The following HID1 variants were observed in gnomAD, a reference collection of about 807,000 sequenced individuals.
HID1 encodes protein HID1.
A neutral mutation model predicts 89.7 loss-of-function variants in HID1; 42 were observed. That is an observed-to-expected ratio of 0.47 (90% CI 0.37 to 0.61). HID1 has a LOEUF of 0.61. Among genes scored for constraint, HID1 ranks in the 20% least tolerant of loss-of-function variants. HID1 has a pLI of 0.00. For synonymous variants in HID1, 442 were observed against 433.8 expected, an observed-to-expected ratio of 1.02 and a Z score of -0.24; for missense variants, 854 against 1,039.3, an observed-to-expected ratio of 0.82 and a Z score of 2.45.
intron 3 of HID1, 139 bp downstream of exon 3, chr17:74,963,601 C>T: frequency 1.2e-6 from 1 of 805,274 alleles, no homozygotes; most frequent in South Asian, 1.8e-5. Context: ...GAACACCATC[C>T]CTCAGCAGCA....
chr17:74,963,434 G>T, intron 3 of HID1: 1 of 509,392 alleles, frequency 2.0e-6, no homozygotes, highest in Non-Finnish European at 3.5e-6. Context: ...AGAGGACAGT[G>T]TGGTCCCTCT....
At chr17:74,953,426 G>A (rs1598615552) in intron 15 of HID1, 119 bp downstream of exon 15, 11 of 759,276 alleles carry the variant, frequency 1.4e-5, no homozygotes, top group Non-Finnish European at 2.2e-5. Context: ...CCTGGGCACT[G>A]GGTAACTGCC....
rs1490877412 is a variant in HID1, at chr17:74,958,755, G to T, written c.1158C>A (p.Leu386=). 2 of 1,612,240 alleles carry T rather than the reference G, an allele frequency of 1.2e-6. No homozygotes were observed. The highest frequency in any genetic ancestry group is 1.7e-6 in the Non-Finnish European group (2 of 1,179,478). The change falls in exon 10 of 19, where the codon CTC becomes CTA. Residue 386 remains leucine (L), a synonymous_variant. Transcript: ENST00000425042. This position sits in a 1 kb window ranked among gnomAD's most constrained non-coding sequence, Gnocchi z 5.2. Reference sequence around the variant, plus strand: ...CGTCGCTGCTCTTCAGCACGAAGAAGAGGAATTTCTAGGGGTGCGGGGAGG... The same window carrying T: ...CGTCGCTGCTCTTCAGCACGAAGAATAGGAATTTCTAGGGGTGCGGGGAGG... ...WKLCDFNKKF[L]FFVLKSSDVL...
Position 74,952,039 on chromosome 17 carries a change from G to C in HID1, c.2169C>G (p.Ile723Met). Residue 723 changes from isoleucine to methionine, a missense_variant, in exon 18 of 19, where the codon ATC (isoleucine) becomes ATG (methionine). By Grantham distance (10) the Ile-to-Met change is conservative (BLOSUM62 1). Coordinates refer to ENST00000425042, the MANE Select transcript of HID1 (RefSeq NM_030630.3). ...GGGTGCCATGCTGCAGGAACCGCAGGATCTCAGACTCATCCGTCAGGCCCC... is the reference window on the plus strand; with the variant it reads ...GGGTGCCATGCTGCAGGAACCGCAGCATCTCAGACTCATCCGTCAGGCCCC... ...IDKGLTDESEILRFLQHGTLV... is the reference protein window; with the variant it reads ...IDKGLTDESEMLRFLQHGTLV... The C allele has an allele frequency of 6.4e-7, 1 of 1,558,622 alleles. No homozygotes were observed. The highest frequency in any genetic ancestry group is 8.7e-7 in the Non-Finnish European group (1 of 1,150,800).
At chr17:74,957,307 C>T (rs1044656802) in intron 12 of HID1, among the ~76,000 whole-genome samples, 3 of 128,928 alleles carry the variant, frequency 2.3e-5, no homozygotes, top group Non-Finnish European at 1.6e-5. Context: ...AACTCTGTCT[C>T]TACTAAAAAT....
At position 74,954,702 on chromosome 17, in the gene HID1, A is replaced by C. The variant is rs16967452; in HGVS notation, c.1637-337T>G. Reference sequence around the variant, plus strand: ...AGCATCCACGTCAGGCCAGCTGTTAAATATTCTGACTCTCTTCCCACCTCC... The same window carrying C: ...AGCATCCACGTCAGGCCAGCTGTTACATATTCTGACTCTCTTCCCACCTCC... On this transcript the variant is annotated intron_variant, in intron 13 of 18. Transcript: ENST00000425042. The C allele has an allele frequency of 9.8e-3, 3,613 of 368,420 alleles. 124 individuals carry two copies. Among genetic ancestry groups the C allele is most frequent in the African/African-American group, 0.07 (3,290 of 47,158 alleles). 22.8% of individuals were successfully genotyped at this position (368,420 alleles called of 1,614,324 possible).
At chr17:74,965,335 T>G (rs1468065883) in intron 1 of HID1, among the ~76,000 whole-genome samples, 1 of 152,218 alleles carries the variant, frequency 6.6e-6, no homozygotes, top group Middle Eastern at 3.2e-3. Context: ...CAGGCACTGC[T>G]TCCTCACCCA....
rs565940472 is a variant in HID1 at position 74,951,416 on chromosome 17, G to A, written c.*154C>T. On this transcript the variant is annotated 3_prime_UTR_variant, in exon 19 of 19. Coordinates refer to ENST00000425042, the MANE Select transcript of HID1 (RefSeq NM_030630.3). ...GATCTGAGCCAGTTCACATTGTCCT[G>A]GCCACAGGGGTCTCTAGGGCATGAC... is the stretch of plus-strand genomic sequence containing the variant. The A allele has an allele frequency of 3.1e-5, 22 of 708,182 alleles. No individual in the cohort carries two copies. In the South Asian group the frequency reaches 3.8e-4, roughly 12 times the overall value. 43.9% of individuals were successfully genotyped at this position (708,182 alleles called of 1,614,324 possible).
chr17:74,960,279 G>A (rs774640001), intron 6 of HID1, 31 bp from the exon 7 acceptor site: 1 of 1,573,424 alleles, frequency 6.4e-7, no homozygotes, highest in Non-Finnish European at 8.6e-7. Context: ...GGCTGCAGAG[G>A]CTGCACTGGG....
At position 74,958,075 on chromosome 17, in the gene HID1, C is replaced by A; in HGVS notation, c.1471+66G>T. On this transcript the variant is annotated intron_variant, in intron 12 of 18. Transcript: ENST00000425042. This position sits in a 1 kb window ranked among gnomAD's most constrained non-coding sequence, Gnocchi z 5.2. ...GGGGCTTGAAACCTGGAGCAAGTGGCAGGTTGGCCTGTGGCCTGACACCAC... is the reference window on the plus strand; with the variant it reads ...GGGGCTTGAAACCTGGAGCAAGTGGAAGGTTGGCCTGTGGCCTGACACCAC... 1 of 1,434,058 alleles carries A rather than the reference C, an allele frequency of 7.0e-7. No individual in the cohort carries two copies. The highest frequency in any genetic ancestry group is 9.6e-7 in the Non-Finnish European group (1 of 1,046,070). The allele number at this position is 1,434,058 out of a possible 1,614,324, so 88.8% of individuals were successfully genotyped here.
rs1302355304 is a variant in HID1 at position 74,959,549 on chromosome 17, T to A, written c.1008+332A>T. Among the ~76,000 whole-genome samples the A allele has an allele frequency of 6.6e-6, 1 of 150,464 alleles. No homozygotes were observed. Among genetic ancestry groups the A allele is most frequent in the Non-Finnish European group, 1.5e-5 (1 of 67,466 alleles). On this transcript the variant is annotated intron_variant, in intron 8 of 18. Coordinates refer to ENST00000425042, the MANE Select transcript of HID1 (RefSeq NM_030630.3). This position sits in a 1 kb window ranked among gnomAD's most constrained non-coding sequence, Gnocchi z 4.6. ...GCTGCAGAAGTTAGAACTCTGGGAGTTCAAGCACCTTCCCACCAAGATCAC... is the reference window on the plus strand; with the variant it reads ...GCTGCAGAAGTTAGAACTCTGGGAGATCAAGCACCTTCCCACCAAGATCAC...
rs986573342 is a variant in HID1 at position 74,972,577 on chromosome 17, C to A, written c.66+14G>T. On this transcript the variant is annotated intron_variant, in intron 1 of 18. Transcript: ENST00000425042. This position sits in a 1 kb window ranked among gnomAD's most constrained non-coding sequence, Gnocchi z 6.4. ...CGGCAGGTGGATGGGGACGCCGGGG[C>A]CCCCGTGGCGCACCTGCGTCTTGGT... The A allele has an allele frequency of 3.9e-6, 6 of 1,544,996 alleles. No individual in the cohort carries two copies. The highest frequency in any genetic ancestry group is 2.8e-5 in the African/African-American group (2 of 72,642).
In HID1 at chr17:74,962,049, C is replaced by A; in HGVS notation, c.612-60G>T. 7.5e-7 allele frequency: 1 copy of A among 1,338,488 alleles called. No homozygotes were observed. Among genetic ancestry groups the A allele is most frequent in the Non-Finnish European group, 1.0e-6 (1 of 986,320 alleles). The allele number at this position is 1,338,488 out of a possible 1,614,324, so 82.9% of individuals were successfully genotyped here. ...CCAGTCCCCTCTTGGAGGTTCTGCC[C>A]ACCCAGCCCAGCGCCCCAGCCCAGG... is the stretch of plus-strand genomic sequence containing the variant. On this transcript the variant is annotated intron_variant, in intron 5 of 18. Transcript: ENST00000425042. This position sits in a 1 kb window ranked among gnomAD's most constrained non-coding sequence, Gnocchi z 4.3.
chr17:74,966,680 T>C (rs1158810323), intron 1 of HID1, among the ~76,000 whole-genome samples: 2 of 152,182 alleles, frequency 1.3e-5, no homozygotes, highest in South Asian at 4.1e-4. Context: ...CCGGGCGTGG[T>C]GGCTCATGTC....
In HID1 at chr17:74,954,325, G is replaced by T. The variant is rs745886952; in HGVS notation, c.1677C>A (p.Ser559Arg). Residue 559 changes from serine (S) to arginine (R), a missense_variant, in exon 14 of 19, where the codon AGC becomes AGA. Coordinates refer to ENST00000425042, the MANE Select transcript of HID1 (RefSeq NM_030630.3). ...NLVYAIIRKRSIFHQLANLPT... is the reference protein window; with the variant it reads ...NLVYAIIRKRRIFHQLANLPT... Reference sequence around the variant, plus strand: ...GCAGGTTGGCCAGCTGGTGGAAGATGCTGCGCTTGCGGATGATGGCGTAGA... The same window carrying T: ...GCAGGTTGGCCAGCTGGTGGAAGATTCTGCGCTTGCGGATGATGGCGTAGA... 7 of 1,583,944 alleles carry T rather than the reference G, an allele frequency of 4.4e-6. No homozygotes were observed. The highest frequency in any genetic ancestry group is 2.7e-5 in the African/African-American group (2 of 74,344).
chr17:74,964,436 G>A, intron 2 of HID1, 47 bp downstream of exon 2: 1 of 1,577,212 alleles, frequency 6.3e-7, no homozygotes, highest in South Asian at 1.2e-5. Context: ...CTCCTGCTGT[G>A]GGCTGGGAGG....
chr17:74,957,044 C>A (rs1459198137), intron 12 of HID1, among the ~76,000 whole-genome samples: 2 of 152,224 alleles, frequency 1.3e-5, no homozygotes, highest in Non-Finnish European at 2.9e-5. Flanking sequence ...ATGAAACACA[C>A]AAGAGGCCAG....
At chr17:74,952,452 A>G in intron 16 of HID1, 92 bp from the exon 17 acceptor site, 1 of 848,390 alleles carries the variant, frequency 1.2e-6, no homozygotes. Context: ...AGGCTCCCCA[A>G]GGCAGAAAGT....
chr17:74,955,513 A>T (rs1205156039), intron 13 of HID1, among the ~76,000 whole-genome samples: 3 of 151,942 alleles, frequency 2.0e-5, no homozygotes, highest in African/African-American at 7.3e-5. Context: ...AAAAAAAAAA[A>T]ATTTCAGATG....
Sources: gnomAD v4.1 joint callset for allele counts (sites outside exome capture counted in the v4.1 genomes callset) on GRCh38, gnomAD v4.1.1 for gene constraint, Gnocchi (gnomAD v3.1) non-coding constraint, MANE v1.5 for transcripts, NCBI Gene and HGNC (gene_info 2026-07-23, HGNC 2026-07-21) for gene names.